Variants in AFF1 observed in about 807,000 individuals in gnomAD.
The protein encoded by AFF1 is AF4/FMR2 family member 1.
A neutral mutation model predicts 121.7 loss-of-function variants in AFF1; 48 were observed. The observed-to-expected ratio is 0.39, with a 90% CI of 0.31 to 0.50. The LOEUF (loss-of-function observed/expected upper bound fraction) is 0.50, where lower values mean the gene tolerates loss of function less well. Among genes scored for constraint, AFF1 ranks in the 20% least tolerant of loss-of-function variants. The pLI is 0.76. For synonymous variants in AFF1, 613 were observed against 563.0 expected, an observed-to-expected ratio of 1.09 and a Z score of -1.26; for missense variants, 1,523 against 1,511.7, an observed-to-expected ratio of 1.01 and a Z score of -0.12.
At position 87,118,845 on chromosome 4, in the gene AFF1, A is replaced by T. The variant is rs559090894; in HGVS notation, c.2466+3546A>T. On this transcript the variant is annotated intron_variant, in intron 12 of 20. Coordinates refer to ENST00000395146, the MANE Select transcript of AFF1 (RefSeq NM_001166693.3). ...AAAAACCAAGGCAGTGAAAGCAGAG[A>T]TTTATTTTAAATGAAAGTATGCTCC... 2.0e-4 allele frequency among the ~76,000 whole-genome samples: 31 copies of T among 152,310 alleles called. 1 individual carries two copies. The highest frequency in any genetic ancestry group is 7.2e-4 in the African/African-American group (30 of 41,564).
chr4:87,089,202 T>G (rs1390916723), intron 5 of AFF1, among the ~76,000 whole-genome samples: 2 of 152,206 alleles, frequency 1.3e-5, no homozygotes, highest in African/African-American at 4.8e-5. Flanking sequence ...CATTTTGGCC[T>G]TTTAGAAAAG....
Position 86,949,163 on chromosome 4 carries a change from AAT to A in AFF1, c.38+609_38+610del, listed in dbSNP as rs201614271. 9.2e-3 allele frequency among the ~76,000 whole-genome samples: 1,284 copies of A among 139,830 alleles called. 23 individuals carry two copies. The highest frequency in any genetic ancestry group is 0.029 in the African/African-American group (1,139 of 38,996). The allele number at this position is 139,830 out of a possible 152,430, so 91.7% of individuals were successfully genotyped here. The stretch of plus-strand genomic sequence containing the variant: ...TTATTTAAAGTATTAGCTATTCAAA[AAT>A]ATATATATATATATATTTTTTTTTT... On this transcript the variant is annotated intron_variant, in intron 2 of 20. Transcript: ENST00000395146.
At chr4:87,015,846 T>A (rs1007893620) in intron 2 of AFF1, among the ~76,000 whole-genome samples, 1 of 152,256 alleles carries the variant, frequency 6.6e-6, no homozygotes. Context: ...TGTGTTGACA[T>A]CCTTAAAGTA....
At chr4:87,027,784 G>GTTTTTTTTTTT (rs35903702) in intron 2 of AFF1, among the ~76,000 whole-genome samples, 1 of 90,598 alleles carries the variant, frequency 1.1e-5, no homozygotes, top group Non-Finnish European at 2.0e-5. Flanking sequence ...TTGCTGTTGG[G>GTTTTTTTTTTT]TTTTTTTTTT....
intron 2 of AFF1, among the ~76,000 whole-genome samples, chr4:86,973,101 G>C (rs1484336628): frequency 6.6e-6 from 1 of 152,154 alleles, no homozygotes; most frequent in Admixed American, 6.6e-5. Context: ...ACTGCTTGTG[G>C]CTTCTGACCT....
chr4:87,120,290 G>A (rs1560648493), intron 12 of AFF1, among the ~76,000 whole-genome samples: 2 of 152,170 alleles, frequency 1.3e-5, no homozygotes, highest in South Asian at 4.1e-4. Flanking sequence ...CTTCCGAGGC[G>A]AATCACAGGG....
chr4:86,988,616 C>T (rs1302311065), intron 2 of AFF1, among the ~76,000 whole-genome samples: 1 of 152,108 alleles, frequency 6.6e-6, no homozygotes, highest in Non-Finnish European at 1.5e-5. Context: ...GCCATACTGC[C>T]CAAAGTAATT....
chr4:87,007,036 G>T, intron 2 of AFF1: 1 of 1,170,840 alleles, frequency 8.5e-7, no homozygotes, highest in Non-Finnish European at 1.1e-6. Context: ...GCTGTTGCTG[G>T]GCAGGCGTTG....
intron 2 of AFF1, among the ~76,000 whole-genome samples, chr4:87,041,376 A>C (rs561215240): frequency 6.5e-4 from 99 of 152,296 alleles, no homozygotes; most frequent in African/African-American, 2.2e-3. Flanking sequence ...GGTAAGCCCC[A>C]AAAAGGATGT....
chr4:87,060,567 G>A (rs549177596), intron 4 of AFF1, among the ~76,000 whole-genome samples: 10 of 152,184 alleles, frequency 6.6e-5, no homozygotes, highest in African/African-American at 2.4e-4. Flanking sequence ...GGCCAGGCAC[G>A]GTGGCTGACG....
chr4:87,043,144 G>C (rs1157653881), intron 2 of AFF1, among the ~76,000 whole-genome samples: 1 of 152,164 alleles, frequency 6.6e-6, no homozygotes, highest in Non-Finnish European at 1.5e-5. Context: ...TAGAAGGGGC[G>C]GAGCTCTGCC....
At chr4:87,072,811 C>T (rs1389966951) in intron 4 of AFF1, among the ~76,000 whole-genome samples, 3 of 152,154 alleles carry the variant, frequency 2.0e-5, no homozygotes, top group Non-Finnish European at 2.9e-5. Context: ...GGATTACAGG[C>T]GTGAGCCAGT....
intron 1 of AFF1, among the ~76,000 whole-genome samples, chr4:86,938,953 C>T (rs1720251756): frequency 6.6e-6 from 1 of 152,198 alleles, no homozygotes; most frequent in Non-Finnish European, 1.5e-5. Context: ...GCTAGAGTGA[C>T]TTTTTCCTAT....
intron 4 of AFF1, among the ~76,000 whole-genome samples, chr4:87,064,491 C>T (rs758255838): frequency 5.3e-5 from 8 of 152,114 alleles, no homozygotes; most frequent in Non-Finnish European, 8.8e-5. Context: ...CCTGTAATCC[C>T]AACACTTTGG....
chr4:86,981,688 T>C (rs1723771875), intron 2 of AFF1, among the ~76,000 whole-genome samples: 1 of 152,184 alleles, frequency 6.6e-6, no homozygotes, highest in African/African-American at 2.4e-5. Flanking sequence ...ATGTTTTAAA[T>C]AGCTCCAGCC....
At chr4:87,020,638 A>G (rs916675410) in intron 2 of AFF1, 1 of 219,112 alleles carries the variant, frequency 4.6e-6, no homozygotes, top group Non-Finnish European at 7.7e-6. Context: ...GCACGTGCCA[A>G]CATGTCCGGC....
chr4:87,090,586 A>G (rs1724198479), intron 6 of AFF1, among the ~76,000 whole-genome samples: 1 of 152,180 alleles, frequency 6.6e-6, no homozygotes, highest in South Asian at 2.1e-4. Flanking sequence ...ACTTTTGGAT[A>G]ACCTTCAAAA....
intron 4 of AFF1, among the ~76,000 whole-genome samples, chr4:87,050,007 T>A (rs1731115319): frequency 6.6e-6 from 1 of 152,214 alleles, no homozygotes; most frequent in Non-Finnish European, 1.5e-5. Flanking sequence ...TTGAAAGTTT[T>A]AAAAATATAC....
intron 2 of AFF1, among the ~76,000 whole-genome samples, chr4:87,038,150 T>A (rs1332168408): frequency 2.6e-5 from 4 of 152,230 alleles, no homozygotes; most frequent in African/African-American, 9.6e-5. Flanking sequence ...GAAATCAGAT[T>A]GTAAGACTTT....
Sources: gnomAD v4.1 joint callset for allele counts (sites outside exome capture counted in the v4.1 genomes callset) on GRCh38, gnomAD v4.1.1 for gene constraint, MANE v1.5 for transcripts, NCBI Gene and HGNC (gene_info 2026-07-23, HGNC 2026-07-21) for gene names.